BMPER: variants seen among roughly 807,000 people sequenced by gnomAD.
BMPER encodes BMP binding endothelial regulator.
BMPER carries 45 observed loss-of-function variants against 87.3 expected under a neutral mutation model. That is an observed-to-expected ratio of 0.52 (90% CI 0.41 to 0.66). The LOEUF is 0.66. BMPER is among the 30% of genes least tolerant of loss of function. BMPER has a pLI of 0.00. For synonymous variants in BMPER, 326 were observed against 316.2 expected (o/e 1.03, Z -0.33); for missense variants, 784 against 867.5 (o/e 0.90, Z 1.21).
chr7:33,963,263 A>G (rs1238212547), intron 3 of BMPER, among the ~76,000 whole-genome samples: 1 of 152,150 alleles, frequency 6.6e-6, no homozygotes, highest in Non-Finnish European at 1.5e-5. Context: ...ATACCTCTCA[A>G]TGCAATTAAA....
At position 34,079,103 on chromosome 7, in the gene BMPER, G is replaced by A. The variant is rs368059451; in HGVS notation, c.1325G>A (p.Gly442Asp). ...CAGCACCTCACCGTGCGCTGGAACG[G>A]CTCGCGCATCGCGCTCCCCTGCCGC... Reference protein sequence around the residue: ...LQQHLTVRWNGSRIALPCRAP... With the variant: ...LQQHLTVRWNDSRIALPCRAP... The change falls in exon 12 of 15, where the codon GGC (glycine) becomes GAC (aspartate). Residue 442 changes from glycine (G) to aspartate (D), a missense_variant. Gly to Asp is a moderately conservative substitution (Grantham distance 94, BLOSUM62 -1). Coordinates refer to ENST00000649409, the MANE Select transcript of BMPER (RefSeq NM_001365308.1). 10 of 1,613,626 alleles carry A rather than the reference G, an allele frequency of 6.2e-6. No homozygotes were observed. The highest frequency in any genetic ancestry group is 2.2e-5 in the South Asian group (2 of 91,044).
intron 3 of BMPER, among the ~76,000 whole-genome samples, chr7:33,944,543 A>G (rs1784837948): frequency 6.6e-6 from 1 of 152,214 alleles, no homozygotes; most frequent in South Asian, 2.1e-4. Context: ...AACCTTTGAA[A>G]TAGCTCAGAA....
At chr7:34,000,288 A>G (rs1441462915) in intron 6 of BMPER, among the ~76,000 whole-genome samples, 3 of 152,196 alleles carry the variant, frequency 2.0e-5, no homozygotes, top group Non-Finnish European at 4.4e-5. Flanking sequence ...TCAATGTTAT[A>G]AAAGAAAAAA....
intron 13 of BMPER, among the ~76,000 whole-genome samples, chr7:34,118,989 CTCTCACTG>C (rs1473703482): frequency 5.0e-5 from 7 of 140,192 alleles, no homozygotes; most frequent in Admixed American, 1.4e-4. Context: ...CTCTCTCTCT[CTCTCACTG>C]TCTCTCTCTC....
chr7:33,930,430 C>A (rs1373328561), intron 2 of BMPER, among the ~76,000 whole-genome samples: 1 of 152,186 alleles, frequency 6.6e-6, no homozygotes, highest in African/African-American at 2.4e-5. Context: ...TTGGCAACCA[C>A]TGGGCTATCT....
At chr7:33,946,460 G>T (rs1784897084) in intron 3 of BMPER, among the ~76,000 whole-genome samples, 1 of 152,136 alleles carries the variant, frequency 6.6e-6, no homozygotes, top group South Asian at 2.1e-4. Flanking sequence ...ATTCAAAAAG[G>T]GCTGCTCTGC....
chr7:34,153,755 G>A lies in BMPER; in HGVS notation c.*482G>A. The A allele has an allele frequency of 5.5e-6, 1 of 181,216 alleles. No individual in the cohort carries two copies. The highest frequency in any genetic ancestry group is 2.7e-3 in the Middle Eastern group (1 of 368). 11.2% of individuals were successfully genotyped at this position (181,216 alleles called of 1,614,324 possible). A position where few individuals can be genotyped will look rare whatever the true frequency, so the allele number is the denominator to read the frequency against. ...GGGGCATTTCAGGTTTCCAAAGAAAGGAATGTATGCCTGGGAAAGACAGCA... is the reference window on the plus strand; with the variant it reads ...GGGGCATTTCAGGTTTCCAAAGAAAAGAATGTATGCCTGGGAAAGACAGCA... On this transcript the variant is annotated 3_prime_UTR_variant, in exon 15 of 15. Transcript: ENST00000649409.
At chr7:33,926,702 T>A (rs1162456899) in intron 2 of BMPER, among the ~76,000 whole-genome samples, 1 of 152,258 alleles carries the variant, frequency 6.6e-6, no homozygotes, top group East Asian at 1.9e-4. Context: ...GAGAACACAG[T>A]GCTAATGGCC....
chr7:33,961,698 GC>G (rs950903341), intron 3 of BMPER, among the ~76,000 whole-genome samples: 2 of 152,148 alleles, frequency 1.3e-5, no homozygotes, highest in African/African-American at 2.4e-5. Flanking sequence ...TTTTGCTTGG[GC>G]CCTTAGAAGG....
intron 5 of BMPER, 90 bp from the exon 6 acceptor site, chr7:33,974,612 G>A (rs916537825): frequency 1.6e-6 from 2 of 1,276,532 alleles, no homozygotes; most frequent in South Asian, 2.4e-5. Context: ...GTGTGGAGGT[G>A]GGCAACGGAT....
intron 12 of BMPER, among the ~76,000 whole-genome samples, chr7:34,085,365 T>C (rs1216413201): frequency 1.3e-5 from 2 of 152,214 alleles, no homozygotes; most frequent in Non-Finnish European, 2.9e-5. Flanking sequence ...AATCATCTTT[T>C]TTTTTCCATT....
At chr7:34,078,330 T>TAG (rs1788919696) in intron 11 of BMPER, among the ~76,000 whole-genome samples, 1 of 152,194 alleles carries the variant, frequency 6.6e-6, no homozygotes, top group African/African-American at 2.4e-5. Context: ...TGTTTGGCAG[T>TAG]TCTATTGATT....
intron 3 of BMPER, among the ~76,000 whole-genome samples, chr7:33,942,466 G>T (rs1784792325): frequency 6.6e-6 from 1 of 152,160 alleles, no homozygotes; most frequent in South Asian, 2.1e-4. Flanking sequence ...ACAGACCCAG[G>T]TGGTCTCACC....
At chr7:34,120,407 G>GT (rs35271585) in intron 13 of BMPER, among the ~76,000 whole-genome samples, 115,398 of 151,306 alleles carry the variant, frequency 0.76, 44,596 homozygotes, top group East Asian at 0.95. Context: ...TTTGTTTGTT[G>GT]TTTTTTTTGA....
intron 14 of BMPER, among the ~76,000 whole-genome samples, chr7:34,151,905 G>A (rs1382831115): frequency 6.6e-6 from 1 of 152,220 alleles, no homozygotes; most frequent in Non-Finnish European, 1.5e-5. Flanking sequence ...TGGATAGAAT[G>A]TGTTCTCTCA....
At chr7:34,141,257 T>C (rs945886083) in intron 13 of BMPER, among the ~76,000 whole-genome samples, 2 of 151,952 alleles carry the variant, frequency 1.3e-5, no homozygotes, top group Admixed American at 1.3e-4. Flanking sequence ...CTGAATGCAT[T>C]TGCTAGTGAA....
chr7:34,155,263 G>A lies in BMPER; in HGVS notation c.*1990G>A, dbSNP rs1791281748. On this transcript the variant is annotated 3_prime_UTR_variant, in exon 15 of 15. Coordinates refer to ENST00000649409, the MANE Select transcript of BMPER (RefSeq NM_001365308.1). ...AAAACGAACAGATTCCTTAAGATTAGCTTTAAATCCCTTTTCAGTTCACTG... is the reference window on the plus strand; with the variant it reads ...AAAACGAACAGATTCCTTAAGATTAACTTTAAATCCCTTTTCAGTTCACTG... 1 of 152,178 alleles carries A rather than the reference G, an allele frequency of 6.6e-6. No homozygotes were observed. Among genetic ancestry groups the A allele is most frequent in the Admixed American group, 6.5e-5 (1 of 15,274 alleles). 9.4% of individuals were successfully genotyped at this position (152,178 alleles called of 1,614,324 possible).
At chr7:34,119,491 C>T (rs1189909043) in intron 13 of BMPER, among the ~76,000 whole-genome samples, 3 of 152,140 alleles carry the variant, frequency 2.0e-5, no homozygotes, top group Non-Finnish European at 2.9e-5. Context: ...TACTGTTGGA[C>T]CTATGTTTCC....
At chr7:33,957,347 C>G (rs1010376833) in intron 3 of BMPER, among the ~76,000 whole-genome samples, 1 of 149,918 alleles carries the variant, frequency 6.7e-6, no homozygotes, top group African/African-American at 2.5e-5. Flanking sequence ...AGAAAAGAGT[C>G]AACCTCAAAA....
Sources: gnomAD v4.1 joint callset for allele counts (sites outside exome capture counted in the v4.1 genomes callset) on GRCh38, gnomAD v4.1.1 for gene constraint, MANE v1.5 for transcripts, NCBI Gene and HGNC (gene_info 2026-07-23, HGNC 2026-07-21) for gene names.